Variants in DCHS2 observed in about 807,000 individuals in gnomAD.
DCHS2 encodes the protein dachsous cadherin-related 2, also known as protocadherin-23.
Under a neutral mutation model 182.4 loss-of-function variants are expected in DCHS2, and 142 were observed. The observed-to-expected ratio is 0.78, with a 90% CI of 0.68 to 0.89. DCHS2 has a LOEUF of 0.89. DCHS2 is among the 40% of genes least tolerant of loss of function. The pLI is 0.00. For missense variants in DCHS2, 4,319 were observed against 4,198.6 expected (o/e 1.03, Z -0.79); for synonymous variants, 1,740 against 1,663.3 (o/e 1.05, Z -1.12).
intron 1 of DCHS2, among the ~76,000 whole-genome samples, chr4:154,382,266 T>C (rs746828169): frequency 1.9e-4 from 29 of 152,256 alleles, no homozygotes; most frequent in South Asian, 4.2e-4. Context: ...TTTCACCATA[T>C]ACAAAAATTA....
intron 1 of DCHS2, among the ~76,000 whole-genome samples, chr4:154,454,209 G>C (rs1010835866): frequency 6.6e-6 from 1 of 151,938 alleles, no homozygotes; most frequent in Non-Finnish European, 1.5e-5. Context: ...CCTTTCAAAA[G>C]AAATTGTTTT....
chr4:154,472,178 CCA>C (rs1479321903), intron 1 of DCHS2, among the ~76,000 whole-genome samples: 2 of 152,208 alleles, frequency 1.3e-5, no homozygotes, highest in Non-Finnish European at 2.9e-5. Context: ...TGTAAATAAT[CCA>C]CAGTTTTAAA....
chr4:154,465,300 G>A (rs900939774), intron 1 of DCHS2, among the ~76,000 whole-genome samples: 1 of 152,116 alleles, frequency 6.6e-6, no homozygotes, highest in Admixed American at 6.5e-5. Flanking sequence ...TCACCATAGG[G>A]CTGCTCTCAA....
At chr4:154,249,003 T>C (rs1458550899) in intron 16 of DCHS2, among the ~76,000 whole-genome samples, 1 of 152,074 alleles carries the variant, frequency 6.6e-6, no homozygotes, top group Non-Finnish European at 1.5e-5. Context: ...ACCTAAGAAA[T>C]ACCCTTCTTG....
intron 1 of DCHS2, among the ~76,000 whole-genome samples, chr4:154,448,152 C>T (rs972598716): frequency 2.0e-5 from 3 of 152,158 alleles, no homozygotes; most frequent in Admixed American, 6.5e-5. Context: ...TTCTGGTTTC[C>T]TCCACATCTC....
Position 154,439,754 on chromosome 4 carries a change from AAGT to A in DCHS2, c.2052+49547_2052+49549del, listed in dbSNP as rs1229505803. On this transcript the variant is annotated intron_variant, in intron 1 of 19. Coordinates refer to ENST00000357232, the MANE Select transcript of DCHS2 (RefSeq NM_001358235.2). ...ATATGTGCTTTATTAACAAAATGTT[AAGT>A]AACAAAATCCAGAGGTGTATCTAGT... is the stretch of plus-strand genomic sequence containing the variant. Among the ~76,000 whole-genome samples, 3 of 152,222 alleles carry A rather than the reference AAGT, an allele frequency of 2.0e-5. No homozygotes were observed. In the East Asian group the frequency reaches 5.8e-4, roughly 29 times the overall value.
chr4:154,474,910 T>C (rs1419050603), intron 1 of DCHS2, among the ~76,000 whole-genome samples: 1 of 152,220 alleles, frequency 6.6e-6, no homozygotes, highest in Admixed American at 6.5e-5. Context: ...TTTTCTTCTG[T>C]AGGAAAAACA....
chr4:154,478,088 A>G (rs926365419), intron 1 of DCHS2, among the ~76,000 whole-genome samples: 1 of 152,264 alleles, frequency 6.6e-6, no homozygotes, highest in African/African-American at 2.4e-5. Flanking sequence ...AGCATTTACT[A>G]CTAGTAACAC....
chr4:154,305,936 T>G (rs1196815496), intron 10 of DCHS2, among the ~76,000 whole-genome samples: 2 of 152,202 alleles, frequency 1.3e-5, no homozygotes, highest in Non-Finnish European at 2.9e-5. Flanking sequence ...CACAAGTTCC[T>G]CTCAGTTATT....
At chr4:154,366,077 T>C (rs1473519735) in intron 3 of DCHS2, 133 bp downstream of exon 3, 14 of 659,382 alleles carry the variant, frequency 2.1e-5, no homozygotes, top group Non-Finnish European at 3.2e-5. Flanking sequence ...CTTCAGCATC[T>C]GCTAGAAGGT....
chr4:154,480,685 G>A (rs549673448), intron 1 of DCHS2, among the ~76,000 whole-genome samples: 3 of 152,168 alleles, frequency 2.0e-5, no homozygotes, highest in African/African-American at 7.2e-5. Flanking sequence ...TTTATATAAA[G>A]CATGCATAAA....
At chr4:154,326,862 TC>T (rs1189536981) in intron 7 of DCHS2, among the ~76,000 whole-genome samples, 1 of 152,162 alleles carries the variant, frequency 6.6e-6, no homozygotes, top group African/African-American at 2.4e-5. Context: ...TTATTCCTTG[TC>T]TTTTGCTTTT....
intron 1 of DCHS2, among the ~76,000 whole-genome samples, chr4:154,449,472 G>T (rs1734443947): frequency 6.6e-6 from 1 of 151,912 alleles, no homozygotes; most frequent in Non-Finnish European, 1.5e-5. Flanking sequence ...CCAGGCTCAA[G>T]GGACCCTCCC....
At chr4:154,347,419 A>G (rs911262983) in intron 3 of DCHS2, among the ~76,000 whole-genome samples, 5 of 151,564 alleles carry the variant, frequency 3.3e-5, no homozygotes, top group Non-Finnish European at 4.4e-5. Flanking sequence ...GATCTTCAGC[A>G]GTTTCTTAAG....
At chr4:154,409,223 C>T (rs111441294) in intron 1 of DCHS2, among the ~76,000 whole-genome samples, 253 of 152,134 alleles carry the variant, frequency 1.7e-3, no homozygotes, top group African/African-American at 5.8e-3. Flanking sequence ...CTGTGTTGCC[C>T]CTGCCTCCCA....
At chr4:154,393,089 T>C (rs1412449528) in intron 1 of DCHS2, among the ~76,000 whole-genome samples, 1 of 152,198 alleles carries the variant, frequency 6.6e-6, no homozygotes, top group African/African-American at 2.4e-5. Flanking sequence ...TTTAAGTAGA[T>C]GGATAATAAA....
At chr4:154,476,006 G>C (rs1735665643) in intron 1 of DCHS2, among the ~76,000 whole-genome samples, 1 of 152,058 alleles carries the variant, frequency 6.6e-6, no homozygotes, top group East Asian at 1.9e-4. Context: ...AAAGGATTGG[G>C]AAAGTGCCTC....
Position 154,298,454 on chromosome 4 carries a change from C to T in DCHS2, c.5860G>A (p.Val1954Met). 3 of 1,614,146 alleles carry T rather than the reference C, an allele frequency of 1.9e-6. No homozygotes were observed. Among genetic ancestry groups the T allele is most frequent in the East Asian group, 2.2e-5 (1 of 44,876 alleles). The part of the protein sequence containing the change: ...EDAEVGTVVL[V>M]LSAVDKDEGL... ...TCATCCTTGTCCACAGCTGAAAGCACAAGAACCACTGTTCCCACTTCAGCA... is the reference window on the plus strand; with the variant it reads ...TCATCCTTGTCCACAGCTGAAAGCATAAGAACCACTGTTCCCACTTCAGCA... The change falls in exon 13 of 20, where the codon GTG becomes ATG. Residue 1954 changes from valine (V) to methionine (M), a missense_variant. Coordinates refer to ENST00000357232, the MANE Select transcript of DCHS2 (RefSeq NM_001358235.2).
intron 1 of DCHS2, among the ~76,000 whole-genome samples, chr4:154,395,489 G>T (rs535127247): frequency 7.2e-5 from 11 of 152,206 alleles, no homozygotes; most frequent in African/African-American, 2.6e-4. Context: ...CTCCTGGATT[G>T]CTCCGCCATC....
Sources: allele counts gnomAD v4.1 joint callset (sites outside exome capture counted in the v4.1 genomes callset), GRCh38; gene constraint gnomAD v4.1.1; transcripts MANE v1.5; gene names NCBI Gene and HGNC (gene_info 2026-07-23, HGNC 2026-07-21).